EZH2: variants seen among roughly 807,000 people sequenced by gnomAD.
EZH2 encodes the protein enhancer of zeste 2 polycomb repressive complex 2 subunit.
EZH2 carries 18 observed loss-of-function variants against 98.4 expected under a neutral mutation model. The observed-to-expected ratio is 0.18, with a 90% confidence interval of 0.13 to 0.27. The LOEUF (loss-of-function observed/expected upper bound fraction) is 0.27, where lower values mean the gene tolerates loss of function less well. EZH2 is among the 10% of genes least tolerant of loss of function. The probability of loss-of-function intolerance (pLI) is 1.00; values close to 1 mark genes in which losing one functional copy is unlikely to be tolerated. For missense variants in EZH2, 470 were observed against 935.1 expected, an observed-to-expected ratio of 0.50 and a Z score of 6.49; for synonymous variants, 338 against 312.3, an observed-to-expected ratio of 1.08 and a Z score of -0.87.
chr7:148,808,157 C>G (rs1802014056), intron 19 of EZH2, among the ~76,000 whole-genome samples: 1 of 152,216 alleles, frequency 6.6e-6, no homozygotes, highest in South Asian at 2.1e-4. Context: ...AACTGGAGTG[C>G]AGCGGACACC....
intron 1 of EZH2, among the ~76,000 whole-genome samples, chr7:148,863,066 AGAGT>A (rs1817928838): frequency 6.9e-6 from 1 of 145,240 alleles, no homozygotes. Flanking sequence ...CCTGGATGAC[AGAGT>A]GAGACCCTGT....
chr7:148,864,683 C>CAAAAAAAAA (rs200348491), intron 1 of EZH2, among the ~76,000 whole-genome samples: 1 of 81,482 alleles, frequency 1.2e-5, no homozygotes. Context: ...GAGACTGTCT[C>CAAAAAAAAA]AAAAAAAAAA....
Position 148,859,813 on chromosome 7 carries a change from C to T in EZH2, c.-7-12508G>A, listed in dbSNP as rs918106718. ...CCACTTAATGCAGGCTCAGTATATC[C>T]GCAACGCCTCAGTGATCAACACAGC... is the stretch of plus-strand genomic sequence containing the variant. On this transcript the variant is annotated intron_variant, in intron 1 of 19. Coordinates refer to ENST00000320356, the MANE Select transcript of EZH2 (RefSeq NM_004456.5). Among the ~76,000 whole-genome samples, 4 of 152,140 alleles carry T rather than the reference C, an allele frequency of 2.6e-5. No individual in the cohort carries two copies. The East Asian group carries it at 5.8e-4, about 22-fold the overall frequency.
chr7:148,838,211 A>G (rs1366705024), intron 3 of EZH2, among the ~76,000 whole-genome samples: 1 of 151,816 alleles, frequency 6.6e-6, no homozygotes, highest in Admixed American at 6.6e-5. Flanking sequence ...TGGGACTACA[A>G]GTACGTGTCA....
intron 10 of EZH2, 24 bp from the exon 11 acceptor site, chr7:148,817,415 G>A (rs754012621): frequency 6.2e-7 from 1 of 1,603,582 alleles, no homozygotes; most frequent in African/African-American, 1.3e-5. Context: ...TGTAAGCACT[G>A]GTCAAGAAAT....
intron 4 of EZH2, among the ~76,000 whole-genome samples, chr7:148,831,146 C>A (rs1432264449): frequency 6.6e-6 from 1 of 152,032 alleles, no homozygotes; most frequent in African/African-American, 2.4e-5. Flanking sequence ...TGGAAAAAAT[C>A]TCAAATAATC....
chr7:148,881,068 C>T (rs1024209739), intron 1 of EZH2, among the ~76,000 whole-genome samples: 3 of 152,130 alleles, frequency 2.0e-5, no homozygotes, highest in Admixed American at 1.3e-4. Flanking sequence ...TTATGCTCTC[C>T]CCCGAAGATT....
chr7:148,883,050 T>C (rs556532782), intron 1 of EZH2: 9 of 152,352 alleles, frequency 5.9e-5, no homozygotes, highest in African/African-American at 2.2e-4. Context: ...TCATCCTCAT[T>C]CAACCCGTCG....
At chr7:148,857,769 A>ATAAC (rs1162462938) in intron 1 of EZH2, among the ~76,000 whole-genome samples, 1 of 151,310 alleles carries the variant, frequency 6.6e-6, no homozygotes, top group Non-Finnish European at 1.5e-5. Context: ...AAATAAATAA[A>ATAAC]TAAATAATTA....
intron 19 of EZH2, 44 bp downstream of exon 19, chr7:148,809,026 TA>T: frequency 6.7e-7 from 1 of 1,502,696 alleles, no homozygotes; most frequent in Non-Finnish European, 9.3e-7. Context: ...CACAATCCAG[TA>T]GAAAAAGCCC....
chr7:148,807,419 T>C lies in EZH2; in HGVS notation c.*227A>G. The C allele has an allele frequency of 1.9e-6, 1 of 516,266 alleles. No homozygotes were observed. Among genetic ancestry groups the C allele is most frequent in the Non-Finnish European group, 3.4e-6 (1 of 290,744 alleles). 32.0% of individuals were successfully genotyped at this position (516,266 alleles called of 1,614,324 possible). Reference sequence around the variant, plus strand: ...GTATTCTTTATTCAAAGTTGAAAAATGTACCATACTGCATTATTGCAAAAA... The same window carrying C: ...GTATTCTTTATTCAAAGTTGAAAAACGTACCATACTGCATTATTGCAAAAA... On this transcript the variant is annotated 3_prime_UTR_variant, in exon 20 of 20. Coordinates refer to ENST00000320356, the MANE Select transcript of EZH2 (RefSeq NM_004456.5).
chr7:148,852,311 G>A (rs998641769), intron 1 of EZH2, among the ~76,000 whole-genome samples: 1 of 152,168 alleles, frequency 6.6e-6, no homozygotes, highest in Admixed American at 6.6e-5. Context: ...TGAACACCAT[G>A]CCTTACCATC....
At chr7:148,853,673 A>G (rs1352225149) in intron 1 of EZH2, among the ~76,000 whole-genome samples, 1 of 152,248 alleles carries the variant, frequency 6.6e-6, no homozygotes, top group Non-Finnish European at 1.5e-5. Flanking sequence ...TTACATAAAT[A>G]GTTGTTAAAC....
At chr7:148,812,371 A>T (rs1803334944) in intron 15 of EZH2, among the ~76,000 whole-genome samples, 1 of 152,184 alleles carries the variant, frequency 6.6e-6, no homozygotes, top group African/African-American at 2.4e-5. Context: ...GTATTTAGGG[A>T]TGTGTTCCCC....
chr7:148,808,071 T>A (rs975520130), intron 19 of EZH2, among the ~76,000 whole-genome samples: 1 of 152,172 alleles, frequency 6.6e-6, no homozygotes, highest in Non-Finnish European at 1.5e-5. Context: ...AATAGAACCA[T>A]GGTCTGGAAA....
At chr7:148,848,790 G>C (rs73158269) in intron 1 of EZH2, among the ~76,000 whole-genome samples, 3,244 of 152,258 alleles carry the variant, frequency 0.021, 63 homozygotes, top group Middle Eastern at 0.034. Flanking sequence ...GTATGAGATA[G>C]ACAGACATAC....
chr7:148,838,393 C>A (rs181944325), intron 3 of EZH2, among the ~76,000 whole-genome samples: 2 of 152,086 alleles, frequency 1.3e-5, no homozygotes, highest in African/African-American at 4.8e-5. Flanking sequence ...AGGTTAAAAT[C>A]CTGAAGGGCT....
At position 148,843,589 on chromosome 7, in the gene EZH2, T is replaced by G. The variant is rs926026985; in HGVS notation, c.246+2881A>C. The stretch of plus-strand genomic sequence containing the variant: ...ACTACAAATGGGAGTATAAGTTTTT[T>G]TTTTTTTTTTTTTTTTTTTTTTTTG... On this transcript the variant is annotated intron_variant, in intron 3 of 19. Transcript: ENST00000320356. Among the ~76,000 whole-genome samples the G allele has an allele frequency of 9.2e-4, 86 of 93,906 alleles. 2 individuals carry two copies. In the East Asian group the frequency reaches 0.024, roughly 26 times the overall value. The allele number at this position is 93,906 out of a possible 152,430, so 61.6% of individuals were successfully genotyped here.
At chr7:148,833,996 A>G (rs1322374489) in intron 3 of EZH2, among the ~76,000 whole-genome samples, 1 of 152,220 alleles carries the variant, frequency 6.6e-6, no homozygotes, top group African/African-American at 2.4e-5. Context: ...AGCGATTTCA[A>G]GGTACATCAT....
Sources: allele counts gnomAD v4.1 joint callset (sites outside exome capture counted in the v4.1 genomes callset), GRCh38; gene constraint gnomAD v4.1.1; transcripts MANE v1.5; gene names NCBI Gene and HGNC (gene_info 2026-07-23, HGNC 2026-07-21).